Variants in METTL15 observed in about 807,000 individuals in gnomAD.
The protein encoded by METTL15 is methyltransferase 15, mitochondrial 12S rRNA N4-cytidine, also known as 12S rRNA N(4)-cytidine methyltransferase METTL15.
METTL15 carries 34 observed loss-of-function variants against 38.3 expected under a neutral mutation model. That is an observed-to-expected ratio of 0.89 (90% CI 0.68 to 1.18). METTL15 has a LOEUF of 1.18. Among genes scored for constraint, METTL15 ranks in the 50% most tolerant of loss-of-function variants. The pLI is 0.00. For synonymous variants in METTL15, 162 were observed against 170.9 expected, an observed-to-expected ratio of 0.95 and a Z score of 0.41; for missense variants, 438 against 498.4, an observed-to-expected ratio of 0.88 and a Z score of 1.15.
intron 4 of METTL15, among the ~76,000 whole-genome samples, chr11:28,248,136 A>T (rs1478965179): frequency 6.6e-6 from 1 of 152,010 alleles, no homozygotes; most frequent in East Asian, 1.9e-4. Context: ...TGAAATTCAA[A>T]ATCCTTTGTA....
intron 3 of METTL15, among the ~76,000 whole-genome samples, chr11:28,169,231 A>T (rs1850765425): frequency 6.6e-6 from 1 of 151,996 alleles, no homozygotes; most frequent in East Asian, 1.9e-4. Context: ...TTCTGTATTC[A>T]AAAAACTAGA....
intron 6 of METTL15, among the ~76,000 whole-genome samples, chr11:28,511,670 G>T (rs922645801): frequency 2.0e-5 from 3 of 152,150 alleles, no homozygotes; most frequent in African/African-American, 7.2e-5. Flanking sequence ...CCTCCTGGTG[G>T]GTTCATGGTC....
intron 4 of METTL15, among the ~76,000 whole-genome samples, chr11:28,244,114 C>T (rs894017974): frequency 6.6e-6 from 1 of 152,110 alleles, no homozygotes; most frequent in East Asian, 1.9e-4. Flanking sequence ...AAAACAAAAA[C>T]AAAAAACCAA....
chr11:28,209,812 T>C (rs1852546892), intron 3 of METTL15, among the ~76,000 whole-genome samples: 2 of 152,024 alleles, frequency 1.3e-5, no homozygotes, highest in Admixed American at 6.6e-5. Context: ...CATGGAAATA[T>C]ATTCAAATCC....
intron 4 of METTL15, among the ~76,000 whole-genome samples, chr11:28,277,814 T>C (rs572124433): frequency 5.9e-5 from 9 of 152,228 alleles, no homozygotes; most frequent in African/African-American, 2.2e-4. Context: ...ACAAATATTG[T>C]ATGTTCTCAC....
intron 6 of METTL15, among the ~76,000 whole-genome samples, chr11:28,501,931 C>T (rs2133491621): frequency 6.6e-6 from 1 of 152,172 alleles, no homozygotes; most frequent in African/African-American, 2.4e-5. Context: ...AACCCCGTCT[C>T]TACTAAAAAT....
intron 3 of METTL15, among the ~76,000 whole-genome samples, chr11:28,120,055 C>T (rs926126061): frequency 2.0e-5 from 3 of 152,058 alleles, no homozygotes; most frequent in African/African-American, 7.2e-5. Flanking sequence ...GAGTTCACAC[C>T]ATTCTCCTGC....
intron 5 of METTL15, among the ~76,000 whole-genome samples, chr11:28,417,914 A>G (rs1362361687): frequency 6.6e-6 from 1 of 152,156 alleles, no homozygotes. Context: ...TTGAAAATAT[A>G]TATATACTTC....
At chr11:28,405,425 A>G (rs1017821733) in intron 5 of METTL15, among the ~76,000 whole-genome samples, 1 of 152,124 alleles carries the variant, frequency 6.6e-6, no homozygotes, top group African/African-American at 2.4e-5. Flanking sequence ...GGCCTTAACT[A>G]CAATTTACTT....
intron 4 of METTL15, among the ~76,000 whole-genome samples, chr11:28,266,789 T>C (rs1359176480): frequency 6.6e-6 from 1 of 152,186 alleles, no homozygotes; most frequent in African/African-American, 2.4e-5. Context: ...ATGGCAGCCA[T>C]TAATGATCCT....
intron 6 of METTL15, among the ~76,000 whole-genome samples, chr11:28,461,851 T>TTAAGTAAAA (rs1851218609): frequency 6.6e-6 from 1 of 152,070 alleles, no homozygotes; most frequent in South Asian, 2.1e-4. Flanking sequence ...TACATTATTG[T>TTAAGTAAAA]TAAGTAAAAT....
At chr11:28,267,431 A>G (rs780748195) in intron 4 of METTL15, among the ~76,000 whole-genome samples, 14 of 152,168 alleles carry the variant, frequency 9.2e-5, no homozygotes, top group Non-Finnish European at 1.5e-4. Context: ...TTACCACCTT[A>G]TTAAAATCAT....
At chr11:28,224,184 T>A (rs551309729) in intron 4 of METTL15, among the ~76,000 whole-genome samples, 97 of 152,018 alleles carry the variant, frequency 6.4e-4, no homozygotes, top group Non-Finnish European at 1.1e-3. Context: ...TTTCTAATTG[T>A]CAGTGTTTCA....
At chr11:28,166,219 T>C (rs7945837) in intron 3 of METTL15, among the ~76,000 whole-genome samples, 151,852 of 152,282 alleles carry the variant, frequency 1, 75,712 homozygotes, top group Middle Eastern at 1. Flanking sequence ...GTAAACTCAA[T>C]GTTTTCTGAG....
At chr11:28,286,652 C>T (rs74566741) in intron 4 of METTL15, among the ~76,000 whole-genome samples, 2,921 of 152,122 alleles carry the variant, frequency 0.019, 71 homozygotes, top group South Asian at 0.12. Context: ...TAGTGAGTTC[C>T]TATTACTGAG....
intron 4 of METTL15, among the ~76,000 whole-genome samples, chr11:28,253,720 C>T (rs2133927058): frequency 6.6e-6 from 1 of 150,428 alleles, no homozygotes; most frequent in Non-Finnish European, 1.5e-5. Flanking sequence ...TTAGGTTCCA[C>T]AATAAGTGAG....
chr11:28,271,822 C>T (rs1220803715), intron 4 of METTL15, among the ~76,000 whole-genome samples: 1 of 152,152 alleles, frequency 6.6e-6, no homozygotes, highest in Non-Finnish European at 1.5e-5. Context: ...ATCTATCCAT[C>T]TGACAAAGGG....
At chr11:28,142,693 G>A (rs191887149) in intron 3 of METTL15, among the ~76,000 whole-genome samples, 32 of 152,282 alleles carry the variant, frequency 2.1e-4, no homozygotes, top group Admixed American at 3.3e-4. Flanking sequence ...GAAAATGCTA[G>A]GCCTTAGACC....
intron 5 of METTL15, among the ~76,000 whole-genome samples, chr11:28,413,407 A>G (rs1201270175): frequency 6.6e-6 from 1 of 152,192 alleles, no homozygotes; most frequent in Non-Finnish European, 1.5e-5. Context: ...TTCCACTTAA[A>G]AAAAGATTTA....
Sources: allele counts gnomAD v4.1 joint callset (sites outside exome capture counted in the v4.1 genomes callset), GRCh38; gene constraint gnomAD v4.1.1; transcripts MANE v1.5; gene names NCBI Gene and HGNC (gene_info 2026-07-23, HGNC 2026-07-21).